CEP164: variants seen among roughly 807,000 people sequenced by gnomAD.
CEP164 encodes centrosomal protein 164, also known as centrosomal protein of 164 kDa.
CEP164 carries 162 observed loss-of-function variants against 182.7 expected under a neutral mutation model. That is an observed-to-expected ratio of 0.89 (90% CI 0.78 to 1.01). The LOEUF (loss-of-function observed/expected upper bound fraction) is 1.01, where lower values mean the gene tolerates loss of function less well. Among genes scored for constraint, CEP164 ranks in the 50% least tolerant of loss-of-function variants. The pLI is 0.00. For missense variants in CEP164, 1,735 were observed against 1,790.4 expected, an observed-to-expected ratio of 0.97 and a Z score of 0.56; for synonymous variants, 661 against 690.0, an observed-to-expected ratio of 0.96 and a Z score of 0.66.
At chr11:117,376,403 T>C (rs1206784889) in intron 11 of CEP164, among the ~76,000 whole-genome samples, 1 of 152,234 alleles carries the variant, frequency 6.6e-6, no homozygotes, top group Non-Finnish European at 1.5e-5. Context: ...GATTGACCCA[T>C]GTGTGGTACA....
chr11:117,341,427 T>C (rs2038100760), intron 3 of CEP164, among the ~76,000 whole-genome samples: 1 of 151,050 alleles, frequency 6.6e-6, no homozygotes, highest in African/African-American at 2.4e-5. Context: ...ACCAGTCACA[T>C]TGGCCTTTTT....
chr11:117,377,616 C>T (rs1454034565), intron 11 of CEP164, among the ~76,000 whole-genome samples: 1 of 152,128 alleles, frequency 6.6e-6, no homozygotes, highest in Non-Finnish European at 1.5e-5. Flanking sequence ...GCGCTCTTGC[C>T]CATTTTGCCG....
chr11:117,337,709 T>A (rs2037415855), intron 2 of CEP164, among the ~76,000 whole-genome samples: 1 of 152,062 alleles, frequency 6.6e-6, no homozygotes, highest in Non-Finnish European at 1.5e-5. Flanking sequence ...CTCAGGTGGT[T>A]TTCCTGACAC....
At chr11:117,397,966 T>C (rs111515953) in intron 27 of CEP164, among the ~76,000 whole-genome samples, 1,682 of 152,296 alleles carry the variant, frequency 0.011, 28 homozygotes, top group African/African-American at 0.038. Flanking sequence ...CATTTCAGCA[T>C]TAACCCAAAA....
At chr11:117,375,001 G>A (rs142472931) in intron 10 of CEP164, among the ~76,000 whole-genome samples, 55 of 152,362 alleles carry the variant, frequency 3.6e-4, no homozygotes, top group African/African-American at 1.3e-3. Flanking sequence ...TGGCACCAGT[G>A]TGGGCACTTG....
At chr11:117,373,458 A>G (rs148693019) in intron 9 of CEP164, among the ~76,000 whole-genome samples, 386 of 152,188 alleles carry the variant, frequency 2.5e-3, no homozygotes, top group African/African-American at 8.1e-3. Context: ...CCACCTTTCT[A>G]ACCGTCTCTG....
chr11:117,359,575 C>T (rs893591640), intron 5 of CEP164: 2 of 985,310 alleles, frequency 2.0e-6, no homozygotes, highest in African/African-American at 3.5e-5. Context: ...GAAGATGGAT[C>T]TTCTGAACCT....
chr11:117,361,793 C>A (rs761992889), intron 5 of CEP164, 42 bp from the exon 6 acceptor site: 3 of 1,611,776 alleles, frequency 1.9e-6, no homozygotes, highest in Non-Finnish European at 2.5e-6. Flanking sequence ...CCCAGAGCCA[C>A]CTGGTTTCTT....
At chr11:117,380,930 A>G (rs966402703) in intron 12 of CEP164, among the ~76,000 whole-genome samples, 1 of 152,216 alleles carries the variant, frequency 6.6e-6, no homozygotes, top group Non-Finnish European at 1.5e-5. Context: ...ATGCATGAGC[A>G]GACCCTTTGT....
intron 3 of CEP164, among the ~76,000 whole-genome samples, chr11:117,342,253 A>G (rs1321455166): frequency 6.6e-6 from 1 of 152,200 alleles, no homozygotes; most frequent in Admixed American, 6.6e-5. Flanking sequence ...TCTCTGGCCA[A>G]TCAAGTTCCA....
intron 23 of CEP164, 37 bp from the exon 24 acceptor site, chr11:117,395,510 T>A (rs764411028): frequency 6.4e-7 from 1 of 1,573,622 alleles, no homozygotes; most frequent in Admixed American, 1.8e-5. Context: ...CTCTCTGTGC[T>A]GTCTCTGGGT....
chr11:117,408,675 A>T, intron 28 of CEP164: 1 of 604,978 alleles, frequency 1.7e-6, no homozygotes, highest in East Asian at 3.0e-5. Context: ...CACAAGGGCG[A>T]CAGCCTACAT....
At chr11:117,358,726 G>T (rs1046144077) in intron 5 of CEP164, among the ~76,000 whole-genome samples, 2 of 151,904 alleles carry the variant, frequency 1.3e-5, no homozygotes, top group African/African-American at 2.4e-5. Flanking sequence ...TAGACATGGG[G>T]TCTTACTGTG....
intron 14 of CEP164, among the ~76,000 whole-genome samples, chr11:117,383,241 T>G (rs2136173651): frequency 6.6e-6 from 1 of 152,330 alleles, no homozygotes; most frequent in Admixed American, 6.5e-5. Flanking sequence ...TCATGTTTCC[T>G]GTCTACCAAG....
Position 117,373,663 on chromosome 11 carries a change from C to T in CEP164, c.1153-88C>T, listed in dbSNP as rs534949236. 748 of 1,157,066 alleles carry T rather than the reference C, an allele frequency of 6.5e-4. 6 individuals are homozygous for T. The African/African-American group carries it at 8.5e-3, about 13-fold the overall frequency. The allele number at this position is 1,157,066 out of a possible 1,614,324, so 71.7% of individuals were successfully genotyped here. ...AGTTTGACCTGAGCCCTATATTGGC[C>T]CCATGGCCTGAACAGAATTCCCTGG... On this transcript the variant is annotated intron_variant, in intron 9 of 32. Coordinates refer to ENST00000278935, the MANE Select transcript of CEP164 (RefSeq NM_014956.5).
At position 117,373,786 on chromosome 11, in the gene CEP164, G is replaced by A. The variant is rs1365899174; in HGVS notation, c.1188G>A (p.Gln396=). The A allele has an allele frequency of 6.2e-7, 1 of 1,614,078 alleles. No homozygotes were observed. The highest frequency in any genetic ancestry group is 1.3e-5 in the African/African-American group (1 of 74,928). Residue 396 remains glutamine, a synonymous_variant, in exon 10 of 33, where the codon CAG becomes CAA. Transcript: ENST00000278935. ...LEISEHMKEP[Q]LSDSIASDPK... ...TTAGTGAACACATGAAGGAACCACAGCTCTCAGACTCCATAGCTTCTGACC... is the reference window on the plus strand; with the variant it reads ...TTAGTGAACACATGAAGGAACCACAACTCTCAGACTCCATAGCTTCTGACC...
At chr11:117,323,870 C>T, upstream of CEP164, 2 of 415,716 alleles carry the variant, frequency 4.8e-6, no homozygotes, top group African/African-American at 2.0e-5. Context: ...TTTCACGTAC[C>T]TGTTGGCCAT....
At position 117,409,645 on chromosome 11, in the gene CEP164, G is replaced by T. The variant is rs747025136; in HGVS notation, c.3776G>T (p.Arg1259Leu). The change falls in exon 30 of 33, where the codon CGC (arginine) becomes CTC (leucine). Residue 1259 changes from arginine (R) to leucine (L), a missense_variant. By Grantham distance (102) the Arg-to-Leu change is moderately radical (BLOSUM62 -2). Transcript: ENST00000278935. The surrounding 1 kb of genome is among the most constrained non-coding windows in gnomAD (Gnocchi z 4.4). ...GACTCAACCCCGAGTCTCACCTCCC[G>T]CAAGATCCACGGGCTTAGCCACTCC... Reference protein sequence around the residue: ...RIDSTPSLTSRKIHGLSHSLR... With the variant: ...RIDSTPSLTSLKIHGLSHSLR... 1 of 1,609,678 alleles carries T rather than the reference G, an allele frequency of 6.2e-7. No homozygotes were observed. Among genetic ancestry groups the T allele is most frequent in the Non-Finnish European group, 8.5e-7 (1 of 1,176,472 alleles).
At chr11:117,346,245 C>T (rs928338979) in intron 4 of CEP164, among the ~76,000 whole-genome samples, 8 of 151,778 alleles carry the variant, frequency 5.3e-5, no homozygotes, top group Non-Finnish European at 7.4e-5. Flanking sequence ...CCTTTTTTAT[C>T]CTGTAAGGAG....
Sources: gnomAD v4.1 joint callset for allele counts (sites outside exome capture counted in the v4.1 genomes callset) on GRCh38, gnomAD v4.1.1 for gene constraint, Gnocchi (gnomAD v3.1) non-coding constraint, MANE v1.5 for transcripts, NCBI Gene and HGNC (gene_info 2026-07-23, HGNC 2026-07-21) for gene names.